Variants in RCBTB2 observed in about 807,000 individuals in gnomAD.
RCBTB2 encodes RCC1 and BTB domain containing protein 2.
In RCBTB2, 55 loss-of-function variants were observed where a neutral mutation model predicts 65.4. That is an observed-to-expected ratio of 0.84 (90% CI 0.68 to 1.05). RCBTB2 has a LOEUF of 1.05. RCBTB2 is among the 50% of genes least tolerant of loss of function. The probability of loss-of-function intolerance (pLI) is 0.00; values close to 1 mark genes in which losing one functional copy is unlikely to be tolerated. For missense variants in RCBTB2, 599 were observed against 680.1 expected (o/e 0.88, Z 1.33); for synonymous variants, 220 against 255.2 (o/e 0.86, Z 1.31).
Position 48,502,241 on chromosome 13 carries a change from C to T in RCBTB2, c.1118-373G>A, listed in dbSNP as rs184387476. On this transcript the variant is annotated intron_variant, in intron 11 of 14. Transcript: ENST00000344532. ...CAATGGCTCACACCTGTGATCCCAA[C>T]ACTTTGGCAGGGGCAGAGACAGAAA... 1.4e-3 allele frequency among the ~76,000 whole-genome samples: 209 copies of T among 152,304 alleles called. 1 individual carries two copies. The highest frequency in any genetic ancestry group is 2.6e-3 in the Non-Finnish European group (177 of 68,018).
intron 4 of RCBTB2, among the ~76,000 whole-genome samples, chr13:48,518,472 A>ATATATATAT (rs1555307423): frequency 6.9e-5 from 8 of 116,588 alleles, no homozygotes; most frequent in African/African-American, 1.1e-4. Flanking sequence ...AAAAAAAAAA[A>ATATATATAT]ATATATATAT....
rs747324839 is a variant in RCBTB2, at chr13:48,499,743, G to T, written c.1262C>A (p.Ser421Ter). 4 of 1,614,040 alleles carry T rather than the reference G, an allele frequency of 2.5e-6. No individual in the cohort carries two copies. In the South Asian group the frequency reaches 3.3e-5, roughly 13 times the overall value. ...ATCATCCTCGTTATCTTCCAATGAC[G>T]AACGAAAATGCTCACATCTGAAGGA... Reference protein sequence around the residue: ...LLKIRCEHFRSSLEDNEDDIV... With the variant: ...LLKIRCEHFR The change falls in exon 13 of 15, where the codon TCG (serine) becomes TAG (stop). Residue 421 changes from serine (S) to a stop codon, truncating the protein, a stop_gained. Transcript: ENST00000344532. LOFTEE classifies it high-confidence loss of function.
chr13:48,498,684 C>T (rs1344666846), intron 13 of RCBTB2, among the ~76,000 whole-genome samples: 1 of 151,808 alleles, frequency 6.6e-6, no homozygotes, highest in South Asian at 2.1e-4. Flanking sequence ...GAGCGGAGAT[C>T]GTGCCATTGC....
intron 13 of RCBTB2, among the ~76,000 whole-genome samples, chr13:48,499,024 A>T (rs1950103420): frequency 6.6e-6 from 1 of 151,916 alleles, no homozygotes; most frequent in Non-Finnish European, 1.5e-5. Flanking sequence ...TCACACCTGA[A>T]CCAATATAAT....
intron 14 of RCBTB2, among the ~76,000 whole-genome samples, chr13:48,492,833 C>A (rs984210152): frequency 6.6e-6 from 1 of 152,236 alleles, no homozygotes; most frequent in African/African-American, 2.4e-5. Context: ...ACCTGTCTCA[C>A]GTCACTGCCT....
At chr13:48,491,468 T>C (rs1388873133) in intron 14 of RCBTB2, among the ~76,000 whole-genome samples, 1 of 152,210 alleles carries the variant, frequency 6.6e-6, no homozygotes, top group Non-Finnish European at 1.5e-5. Flanking sequence ...CATCACAGCA[T>C]ACTATACATA....
At chr13:48,532,967 G>A (rs970208603) in intron 1 of RCBTB2, 61 bp downstream of exon 1, 5 of 455,454 alleles carry the variant, frequency 1.1e-5, no homozygotes, top group Non-Finnish European at 1.8e-5. Flanking sequence ...GTACCTGACA[G>A]CATCCCACGT....
At chr13:48,495,333 T>G (rs1331823609) in intron 14 of RCBTB2, among the ~76,000 whole-genome samples, 2 of 152,200 alleles carry the variant, frequency 1.3e-5, no homozygotes, top group African/African-American at 2.4e-5. Flanking sequence ...AGTCTTTTTT[T>G]CTATGTAGAT....
intron 1 of RCBTB2, among the ~76,000 whole-genome samples, chr13:48,529,801 T>A (rs1386742374): frequency 6.9e-6 from 1 of 144,280 alleles, no homozygotes; most frequent in Admixed American, 6.7e-5. Flanking sequence ...TCTTTTAGTC[T>A]TTAACAAGAG....
At chr13:48,532,800 C>T (rs1381850260) in intron 1 of RCBTB2, 1 of 331,072 alleles carries the variant, frequency 3.0e-6, no homozygotes, top group African/African-American at 2.3e-5. Flanking sequence ...TGGGTGTAGC[C>T]CCGGAACCTA....
chr13:48,512,131 C>T lies in RCBTB2; in HGVS notation c.560G>A (p.Gly187Glu). 6.2e-7 allele frequency: 1 copy of T among 1,614,176 alleles called. No individual in the cohort carries two copies. Among genetic ancestry groups the T allele is most frequent in the Non-Finnish European group, 8.5e-7 (1 of 1,180,002 alleles). Residue 187 changes from glycine (G) to glutamate (E), a missense_variant, in exon 8 of 15, where the codon GGA becomes GAA. Transcript: ENST00000344532. ...AGGGATTGGCTGATTAACTGTTGAT[C>T]CAGATCCTACCTGCCCAGAGTTATT... ...GYNNSGQVGSGSTVNQPIPRR... is the reference protein window; with the variant it reads ...GYNNSGQVGSESTVNQPIPRR...
intron 1 of RCBTB2, among the ~76,000 whole-genome samples, chr13:48,527,337 G>GATATATATATATATATATCAT (rs1174299074): frequency 2.7e-5 from 3 of 112,192 alleles, no homozygotes; most frequent in African/African-American, 1.9e-4. Context: ...ATATATATAT[G>GATATATATATATATATATCAT]ATATATATAT....
chr13:48,494,571 T>C (rs1323774816), intron 14 of RCBTB2, among the ~76,000 whole-genome samples: 1 of 152,116 alleles, frequency 6.6e-6, no homozygotes, highest in African/African-American at 2.4e-5. Context: ...GCTTACTTTC[T>C]AGAAAACAGA....
intron 2 of RCBTB2, among the ~76,000 whole-genome samples, chr13:48,523,238 C>T (rs1274394682): frequency 2.0e-5 from 3 of 152,164 alleles, no homozygotes; most frequent in Non-Finnish European, 2.9e-5. Context: ...TTCTCTAAGA[C>T]CCAGCATGAC....
chr13:48,521,247 C>T (rs1380431445), intron 4 of RCBTB2, among the ~76,000 whole-genome samples: 2 of 152,166 alleles, frequency 1.3e-5, no homozygotes, highest in African/African-American at 4.8e-5. Flanking sequence ...AAAGCTTTGC[C>T]ATCTTTGTAT....
At chr13:48,535,373 A>G (rs1952350799), upstream of RCBTB2, among the ~76,000 whole-genome samples, 1 of 151,884 alleles carries the variant, frequency 6.6e-6, no homozygotes. Flanking sequence ...CTCATGCCTA[A>G]GCCTCCCAAG....
At chr13:48,526,641 G>A (rs948144287) in intron 1 of RCBTB2, among the ~76,000 whole-genome samples, 13 of 152,102 alleles carry the variant, frequency 8.5e-5, no homozygotes, top group African/African-American at 2.4e-4. Context: ...TAGCCTGGGC[G>A]CGGTGGCTCA....
At chr13:48,532,178 C>G (rs769273128) in intron 1 of RCBTB2, 1 of 152,200 alleles carries the variant, frequency 6.6e-6, no homozygotes, top group African/African-American at 2.4e-5. Flanking sequence ...TCTAAATTAG[C>G]CTTCCAACTC....
intron 13 of RCBTB2, 43 bp from the exon 14 acceptor site, chr13:48,496,364 T>TCCC: frequency 6.7e-7 from 1 of 1,487,490 alleles, no homozygotes; most frequent in African/African-American, 1.4e-5. Flanking sequence ...ATTTCAAGCA[T>TCCC]CCTGATTTAC....
Sources: allele counts gnomAD v4.1 joint callset (sites outside exome capture counted in the v4.1 genomes callset), GRCh38; gene constraint gnomAD v4.1.1; transcripts MANE v1.5; gene names NCBI Gene and HGNC (gene_info 2026-07-23, HGNC 2026-07-21).